The following PCDHGA1 variants were observed in gnomAD, a reference collection of about 807,000 sequenced individuals.
PCDHGA1 encodes the protein protocadherin gamma subfamily A, 1.
A neutral mutation model predicts 58.0 loss-of-function variants in PCDHGA1; 32 were observed. That is an observed-to-expected ratio of 0.55 (90% CI 0.42 to 0.74). PCDHGA1 has a LOEUF of 0.74. Ranked by LOEUF, PCDHGA1 falls within the 30% of genes least tolerant of loss-of-function variation. The pLI is 0.00. For synonymous variants in PCDHGA1, 498 were observed against 501.1 expected (o/e 0.99, Z 0.08); for missense variants, 1,205 against 1,182.3 (o/e 1.02, Z -0.28).
chr5:141,357,870 A>C, intron 1 of PCDHGA1: 1 of 550,962 alleles, frequency 1.8e-6, no homozygotes. Context: ...TAATTTTACA[A>C]CTCTGAGCCA....
Position 141,489,119 on chromosome 5 carries a change from C to T in PCDHGA1, c.2422-5688C>T, listed in dbSNP as rs1236074950. The T allele has an allele frequency of 2.0e-5, 13 of 650,240 alleles. No individual in the cohort carries two copies. Among genetic ancestry groups the T allele is most frequent in the African/African-American group, 9.1e-5 (5 of 55,178 alleles). 40.3% of individuals were successfully genotyped at this position (650,240 alleles called of 1,614,324 possible). ...GAACTGCTGCAAGCAGGCAAACCTC[C>T]GAGCAGTTTTTAAGAGGCTGGAAGG... On this transcript the variant is annotated intron_variant, in intron 1 of 3. Coordinates refer to ENST00000517417, the MANE Select transcript of PCDHGA1 (RefSeq NM_018912.3). This position sits in a 1 kb window ranked among gnomAD's most constrained non-coding sequence, Gnocchi z 4.5.
At chr5:141,351,537 C>T (rs772418537) in intron 1 of PCDHGA1, 9 of 1,614,020 alleles carry the variant, frequency 5.6e-6, no homozygotes, top group Middle Eastern at 1.6e-4. Flanking sequence ...AAGGGCAAAC[C>T]AGCCCTTTCC....
rs1588712478 is a variant in PCDHGA1 at position 141,372,895 on chromosome 5, T to G, written c.2421+39790T>G. On this transcript the variant is annotated intron_variant, in intron 1 of 3. Transcript: ENST00000517417. ...AGATAAAAAGAATACAGATTAAATA[T>G]TCCCTGATTACATTATTTTATTGAT... 5 of 1,115,450 alleles carry G rather than the reference T, an allele frequency of 4.5e-6. No individual in the cohort carries two copies. The East Asian group carries it at 1.3e-4, about 29-fold the overall frequency. The allele number at this position is 1,115,450 out of a possible 1,614,324, so 69.1% of individuals were successfully genotyped here.
At chr5:141,426,693 A>G (rs62378458) in intron 1 of PCDHGA1, 1 of 435,784 alleles carries the variant, frequency 2.3e-6, no homozygotes, top group African/African-American at 2.0e-5. Flanking sequence ...CCAAAATAGC[A>G]TTGTTTTACA....
intron 1 of PCDHGA1, among the ~76,000 whole-genome samples, chr5:141,467,075 C>A (rs2099136382): frequency 6.9e-6 from 1 of 145,470 alleles, no homozygotes; most frequent in Non-Finnish European, 1.5e-5. Flanking sequence ...TTTTTTTAGA[C>A]CAAGTCTCAC....
At position 141,357,483 on chromosome 5, in the gene PCDHGA1, G is replaced by A. The variant is rs368424779; in HGVS notation, c.2421+24378G>A. On this transcript the variant is annotated intron_variant, in intron 1 of 3. Coordinates refer to ENST00000517417, the MANE Select transcript of PCDHGA1 (RefSeq NM_018912.3). The stretch of plus-strand genomic sequence containing the variant: ...ATTCCCACGAGGTCTCCCTCACCGC[G>A]GACTCGCGGAAGAGTCACCTGATCT... The A allele has an allele frequency of 1.2e-4, 201 of 1,614,194 alleles. No homozygotes were observed. In the African/African-American group the frequency reaches 2.1e-3, roughly 17 times the overall value.
chr5:141,511,233 TACCTGC>T lies in PCDHGA1; in HGVS notation c.*64_*69del. 4 of 1,595,428 alleles carry T rather than the reference TACCTGC, an allele frequency of 2.5e-6. No individual in the cohort carries two copies. The highest frequency in any genetic ancestry group is 3.4e-6 in the Non-Finnish European group (4 of 1,170,894). ...CTCCCCAACCAGCCCAGCTTCTCCT[TACCTGC>T]ACCCAGGCCTCAGAGTTTCAGGGCT... On this transcript the variant is annotated 3_prime_UTR_variant, in exon 4 of 4. Transcript: ENST00000517417.
intron 1 of PCDHGA1, chr5:141,370,522 G>A: frequency 6.2e-7 from 1 of 1,613,884 alleles, no homozygotes; most frequent in Non-Finnish European, 8.5e-7. Context: ...GAGCTGGACA[G>A]GGGCTCGCTG....
chr5:141,388,510 A>T, intron 1 of PCDHGA1: 5 of 1,613,846 alleles, frequency 3.1e-6, no homozygotes, highest in Non-Finnish European at 4.2e-6. Context: ...AAATCCTACC[A>T]CTTGACTTTG....
chr5:141,413,188 A>C, intron 1 of PCDHGA1: 4 of 1,606,680 alleles, frequency 2.5e-6, no homozygotes, highest in Non-Finnish European at 3.4e-6. Flanking sequence ...GGCCGCTCAA[A>C]GGAATCGCTC....
intron 1 of PCDHGA1, chr5:141,340,210 A>G (rs1193138105): frequency 3.1e-6 from 5 of 1,614,036 alleles, no homozygotes; most frequent in Admixed American, 1.7e-5. Context: ...TTGACAGGGA[A>G]CAGTTTTCCT....
At chr5:141,366,801 C>T (rs1185271007) in intron 1 of PCDHGA1, 2 of 1,564,024 alleles carry the variant, frequency 1.3e-6, no homozygotes, top group African/African-American at 1.4e-5. Context: ...CATTTGTTTC[C>T]TTTTTCATGT....
Position 141,341,398 on chromosome 5 carries a change from A to C in PCDHGA1, c.2421+8293A>C, listed in dbSNP as rs1213840983. The stretch of plus-strand genomic sequence containing the variant: ...AAAGAGAAGAAACGTTTTCTCAGGT[A>C]ATCTATCTTTTCACAACATACGTAC... On this transcript the variant is annotated intron_variant, in intron 1 of 3. Coordinates refer to ENST00000517417, the MANE Select transcript of PCDHGA1 (RefSeq NM_018912.3). 1.9e-6 allele frequency: 3 copies of C among 1,614,058 alleles called. No homozygotes were observed. In the African/African-American group the frequency reaches 4.0e-5, roughly 22 times the overall value.
In PCDHGA1 at chr5:141,389,782, G is replaced by C. The variant is rs768524617; in HGVS notation, c.2421+56677G>C. 4 of 1,613,192 alleles carry C rather than the reference G, an allele frequency of 2.5e-6. No individual in the cohort carries two copies. In the African/African-American group the frequency reaches 5.3e-5, roughly 22 times the overall value. On this transcript the variant is annotated intron_variant, in intron 1 of 3. Transcript: ENST00000517417. ...CGCACAGCGCGTGCCTTAGGCGACAGGGACGCCGTCCGCCAGCGCCTTCTG... is the reference window on the plus strand; with the variant it reads ...CGCACAGCGCGTGCCTTAGGCGACACGGACGCCGTCCGCCAGCGCCTTCTG...
Position 141,496,888 on chromosome 5 carries a change from TA to T in PCDHGA1, c.2480+2038del, listed in dbSNP as rs35063790. 4.6e-3 allele frequency among the ~76,000 whole-genome samples: 621 copies of T among 133,932 alleles called. 1 individual carries two copies. Among genetic ancestry groups the T allele is most frequent in the Middle Eastern group, 0.011 (3 of 270 alleles). 87.9% of individuals were successfully genotyped at this position (133,932 alleles called of 152,430 possible). ...CTGAAAATTTGCAACAAGTAACACT[TA>T]AAAAAAAAAAAAAAGGCTGGGCACT... On this transcript the variant is annotated intron_variant, in intron 2 of 3. Coordinates refer to ENST00000517417, the MANE Select transcript of PCDHGA1 (RefSeq NM_018912.3).
Position 141,374,077 on chromosome 5 carries a change from G to A in PCDHGA1, c.2421+40972G>A, listed in dbSNP as rs530727064. 38 of 1,515,728 alleles carry A rather than the reference G, an allele frequency of 2.5e-5. No individual in the cohort carries two copies. The African/African-American group carries it at 3.6e-4, about 14-fold the overall frequency. 93.9% of individuals were successfully genotyped at this position (1,515,728 alleles called of 1,614,324 possible). A position where few individuals can be genotyped will look rare whatever the true frequency, so the allele number is the denominator to read the frequency against. ...TTAATCCCAGAGAAGTTCCTAATAA[G>A]CCAGTAATGGCGCCTCCGCAGAGGC... On this transcript the variant is annotated intron_variant, in intron 1 of 3. Coordinates refer to ENST00000517417, the MANE Select transcript of PCDHGA1 (RefSeq NM_018912.3).
At chr5:141,353,559 C>T (rs1360200137) in intron 1 of PCDHGA1, among the ~76,000 whole-genome samples, 1 of 152,026 alleles carries the variant, frequency 6.6e-6, no homozygotes, top group Non-Finnish European at 1.5e-5. Context: ...AATATTATTC[C>T]CACTCTATAA....
intron 1 of PCDHGA1, chr5:141,359,935 G>A: frequency 4.3e-6 from 2 of 465,926 alleles, no homozygotes; most frequent in South Asian, 7.9e-5. Flanking sequence ...ACCTCTGAGC[G>A]TCGCTGTTGG....
At chr5:141,428,098 A>G in intron 1 of PCDHGA1, 1 of 1,608,664 alleles carries the variant, frequency 6.2e-7, no homozygotes, top group Non-Finnish European at 8.5e-7. Flanking sequence ...CTGTCCTACC[A>G]CGTGCTGCAG....
Sources: allele counts gnomAD v4.1 joint callset (sites outside exome capture counted in the v4.1 genomes callset), GRCh38; gene constraint gnomAD v4.1.1; non-coding constraint Gnocchi (gnomAD v3.1); transcripts MANE v1.5; gene names NCBI Gene and HGNC (gene_info 2026-07-23, HGNC 2026-07-21).